The following LOXHD1 variants were observed in gnomAD, a reference collection of about 807,000 sequenced individuals.
The protein encoded by LOXHD1 is lipoxygenase homology PLAT domains 1, also known as lipoxygenase homology domain-containing protein 1.
LOXHD1 carries 205 observed loss-of-function variants against 248.2 expected under a neutral mutation model. The observed-to-expected ratio is 0.83, with a 90% CI of 0.74 to 0.93. The LOEUF (loss-of-function observed/expected upper bound fraction) is 0.93. LOXHD1 is among the 40% of genes least tolerant of loss of function. LOXHD1 has a pLI of 0.00. For missense variants in LOXHD1, 2,930 were observed against 2,971.6 expected, an observed-to-expected ratio of 0.99 and a Z score of 0.33; for synonymous variants, 1,113 against 1,162.8, an observed-to-expected ratio of 0.96 and a Z score of 0.87.
In LOXHD1 at chr18:46,577,782, C is replaced by A. The variant is rs796115206; in HGVS notation, c.1895G>T (p.Gly632Val). The A allele has an allele frequency of 1.3e-5, 20 of 1,551,566 alleles. No homozygotes were observed. In the Admixed American group the frequency reaches 3.7e-4, roughly 29 times the overall value. The change falls in exon 14 of 41, where the codon GGC becomes GTC. Residue 632 changes from glycine (G) to valine (V), a missense_variant. Coordinates refer to ENST00000642948, the MANE Select transcript of LOXHD1 (RefSeq NM_001384474.1). ...IRHDGKGSGSGWYLDRVLVRE... is the reference protein window; with the variant it reads ...IRHDGKGSGSVWYLDRVLVRE... ...CACCAGCACTCTGTCCAGGTACCAG[C>A]CGCTGCCGGAGCCTTTGCCATCGTG...
intron 21 of LOXHD1, among the ~76,000 whole-genome samples, chr18:46,553,761 T>C (rs541800139): frequency 4.5e-4 from 69 of 152,072 alleles, no homozygotes; most frequent in African/African-American, 1.5e-3. Context: ...TAGAGAAAAA[T>C]AAACAGACAA....
intron 21 of LOXHD1, among the ~76,000 whole-genome samples, chr18:46,550,951 T>A (rs1426181977): frequency 6.6e-6 from 1 of 152,090 alleles, no homozygotes; most frequent in Non-Finnish European, 1.5e-5. Context: ...GAATGCAGAG[T>A]CTGCTTACTC....
At chr18:46,547,166 C>T in intron 21 of LOXHD1, 108 bp from the exon 22 acceptor site, 1 of 1,227,402 alleles carries the variant, frequency 8.1e-7, no homozygotes, top group East Asian at 2.5e-5. Context: ...CAAACTCTCC[C>T]CTGTCTGCCC....
chr18:46,591,156 A>G (rs1358916944), intron 12 of LOXHD1, among the ~76,000 whole-genome samples: 1 of 152,192 alleles, frequency 6.6e-6, no homozygotes, highest in Non-Finnish European at 1.5e-5. Context: ...TATGGGTGAC[A>G]TTGTTTTTAT....
In LOXHD1 at chr18:46,566,359, T is replaced by C; in HGVS notation, c.2335A>G (p.Lys779Glu). 1 of 1,551,782 alleles carries C rather than the reference T, an allele frequency of 6.4e-7. No homozygotes were observed. Among genetic ancestry groups the C allele is most frequent in the African/African-American group, 1.4e-5 (1 of 73,172 alleles). ...SVQIRVPRQG[K>E]QYTFPANRWL... The stretch of plus-strand genomic sequence containing the variant: ...CGGTTGGCGGGAAAGGTGTACTGCT[T>C]GCCTTGACGGGGCACACGGATCTGA... Residue 779 changes from lysine to glutamate, a missense_variant, in exon 17 of 41, where the codon AAG becomes GAG. Lys to Glu is a moderately conservative substitution (Grantham distance 56). Transcript: ENST00000642948.
chr18:46,563,073 T>C lies in LOXHD1; in HGVS notation c.2590A>G (p.Thr864Ala). Reference sequence around the variant, plus strand: ...TCCTCGACCCCACATACCTGGAATGTGTCCTTGGACGCCCGTTCAAAAACT... The same window carrying C: ...TCCTCGACCCCACATACCTGGAATGCGTCCTTGGACGCCCGTTCAAAAACT... Reference protein sequence around the residue: ...SKVFERASKDTFQLEAADVGE... With the variant: ...SKVFERASKDAFQLEAADVGE... Residue 864 changes from threonine (T) to alanine (A), a missense_variant, in exon 18 of 41, where the codon ACA (threonine) becomes GCA (alanine). Transcript: ENST00000642948. 1.9e-6 allele frequency: 3 copies of C among 1,541,442 alleles called. No homozygotes were observed. In the South Asian group the frequency reaches 3.6e-5, roughly 18 times the overall value.
chr18:46,523,294 T>C (rs2035669595), intron 31 of LOXHD1, among the ~76,000 whole-genome samples: 1 of 152,176 alleles, frequency 6.6e-6, no homozygotes. Context: ...GAGTACTCTT[T>C]TTTTCCTTAC....
At chr18:46,592,204 C>T in intron 11 of LOXHD1, 136 bp from the exon 12 acceptor site, 1 of 1,232,116 alleles carries the variant, frequency 8.1e-7, no homozygotes, top group Non-Finnish European at 1.1e-6. Flanking sequence ...AGGCAGAGGG[C>T]CGGATTAGTA....
intron 18 of LOXHD1, 37 bp from the exon 19 acceptor site, chr18:46,560,582 A>C: frequency 6.7e-7 from 1 of 1,488,802 alleles, no homozygotes; most frequent in Non-Finnish European, 8.9e-7. Flanking sequence ...TCGTGGCCCC[A>C]GCGTCCTCCC....
rs539684630 is a variant in LOXHD1, at chr18:46,646,553, G to A, written c.245+2602C>T. Among the ~76,000 whole-genome samples the A allele has an allele frequency of 4.6e-5, 7 of 152,212 alleles. No individual in the cohort carries two copies. In the South Asian group the frequency reaches 1.0e-3, roughly 23 times the overall value. On this transcript the variant is annotated intron_variant, in intron 2 of 40. Coordinates refer to ENST00000642948, the MANE Select transcript of LOXHD1 (RefSeq NM_001384474.1). The stretch of plus-strand genomic sequence containing the variant: ...TGATACGGTAAGTTGAAACTCCACC[G>A]GTCAGCTTTCCAGCAAGGCCTTCTT...
intron 40 of LOXHD1, among the ~76,000 whole-genome samples, chr18:46,482,186 T>A (rs1404904584): frequency 6.6e-6 from 1 of 152,184 alleles, no homozygotes; most frequent in Non-Finnish European, 1.5e-5. Context: ...CAGCAAATAA[T>A]GCCATAGCTC....
chr18:46,591,924 A>G lies in LOXHD1; in HGVS notation c.1654+9T>C. The G allele has an allele frequency of 1.3e-6, 2 of 1,551,736 alleles. No individual in the cohort carries two copies. The highest frequency in any genetic ancestry group is 1.7e-6 in the Non-Finnish European group (2 of 1,146,952). ...TGCCTCCCAGGATGGAGAGCCTGTC[A>G]GTACTTACTGCCCATGATCCTGCGC... On this transcript the variant is annotated intron_variant, in intron 12 of 40. Coordinates refer to ENST00000642948, the MANE Select transcript of LOXHD1 (RefSeq NM_001384474.1).
In LOXHD1 at chr18:46,656,983, G is replaced by A. The variant is rs1454767391; in HGVS notation, c.51C>T (p.Ala17=). 4 of 1,551,534 alleles carry A rather than the reference G, an allele frequency of 2.6e-6. No individual in the cohort carries two copies. The Admixed American group carries it at 5.9e-5, about 23-fold the overall frequency. ...RRRKKDIDFL[A]LYEAELLNYA... is the part of the protein sequence containing the mutation. ...AGTTCAGCAGCTCCGCTTCGTACAG[G>A]GCCAGGAAGTCGATGTCCTTCTTCC... The change falls in exon 1 of 41, where the codon GCC becomes GCT. Residue 17 remains alanine, a synonymous_variant. Coordinates refer to ENST00000642948, the MANE Select transcript of LOXHD1 (RefSeq NM_001384474.1).
chr18:46,555,294 A>C, intron 21 of LOXHD1: 1 of 431,056 alleles, frequency 2.3e-6, no homozygotes, highest in Non-Finnish European at 4.8e-6. Context: ...ACAAAAGCCC[A>C]TAAAGATGGC....
chr18:46,591,661 C>T (rs1381298866), intron 12 of LOXHD1, among the ~76,000 whole-genome samples: 13 of 152,214 alleles, frequency 8.5e-5, no homozygotes, highest in Admixed American at 8.5e-4. Context: ...TTGCTCAGGG[C>T]AGATGCTTCT....
rs1410410070 is a variant in LOXHD1 at position 46,518,195 on chromosome 18, A to T, written c.5333T>A (p.Ile1778Asn). The change falls in exon 34 of 41, where the codon ATC becomes AAC. Residue 1778 changes from isoleucine to asparagine, a missense_variant. Coordinates refer to ENST00000642948, the MANE Select transcript of LOXHD1 (RefSeq NM_001384474.1). ...DVVGGGTDSN[I>N]FMTLYGINGS... Reference sequence around the variant, plus strand: ...GTTGATGCCGTAGAGGGTCATGAAGATGTTGGAGTCAGTGCCCCCGCCAAC... The same window carrying T: ...GTTGATGCCGTAGAGGGTCATGAAGTTGTTGGAGTCAGTGCCCCCGCCAAC... 3.7e-5 allele frequency: 58 copies of T among 1,551,570 alleles called. No individual in the cohort carries two copies. Among genetic ancestry groups the T allele is most frequent in the Non-Finnish European group, 5.0e-5 (57 of 1,146,982 alleles).
chr18:46,560,013 C>G, intron 19 of LOXHD1, 70 bp downstream of exon 19: 1 of 1,483,448 alleles, frequency 6.7e-7, no homozygotes, highest in Admixed American at 2.0e-5. Context: ...CCCCCTGCCC[C>G]CAGTGGGCCC....
intron 24 of LOXHD1, 40 bp downstream of exon 24, chr18:46,542,687 T>C (rs755882100): frequency 2.8e-5 from 44 of 1,550,586 alleles, no homozygotes; most frequent in Non-Finnish European, 3.8e-5. Context: ...TCCATGGTCC[T>C]TAAAGTCTTA....
intron 1 of LOXHD1, among the ~76,000 whole-genome samples, chr18:46,653,636 A>G (rs1226195025): frequency 6.6e-6 from 1 of 152,212 alleles, no homozygotes; most frequent in African/African-American, 2.4e-5. Context: ...AGCACATGAG[A>G]GACAGTCAAA....
Sources: allele counts gnomAD v4.1 joint callset (sites outside exome capture counted in the v4.1 genomes callset), GRCh38; gene constraint gnomAD v4.1.1; transcripts MANE v1.5; gene names NCBI Gene and HGNC (gene_info 2026-07-23, HGNC 2026-07-21).